Variants in MYO7A observed in about 807,000 individuals in gnomAD.
The protein encoded by MYO7A is myosin VIIA.
A neutral mutation model predicts 263.8 loss-of-function variants in MYO7A; 210 were observed. The observed-to-expected ratio is 0.80, with a 90% CI of 0.71 to 0.89. The LOEUF is 0.89. MYO7A is among the 40% of genes least tolerant of loss of function. The pLI, the probability that MYO7A is intolerant of heterozygous loss-of-function variation, is 0.00. For synonymous variants in MYO7A, 1,239 were observed against 1,197.3 expected (o/e 1.03, Z -0.72); for missense variants, 2,820 against 2,968.3 (o/e 0.95, Z 1.16).
intron 42 of MYO7A, among the ~76,000 whole-genome samples, chr11:77,207,824 G>T (rs1415112918): frequency 6.6e-6 from 1 of 152,216 alleles, no homozygotes; most frequent in Non-Finnish European, 1.5e-5. Flanking sequence ...AGGTCACACA[G>T]CAGGGACTGA....
chr11:77,192,375 C>G (rs1012276713), intron 31 of MYO7A, 97 bp downstream of exon 31: 2 of 1,291,438 alleles, frequency 1.5e-6, no homozygotes. Context: ...ATCATTAGCT[C>G]AGGCTGGGGT....
intron 25 of MYO7A, 105 bp from the exon 26 acceptor site, chr11:77,182,963 A>G: frequency 3.0e-6 from 3 of 991,354 alleles, no homozygotes; most frequent in Non-Finnish European, 4.7e-6. Context: ...ACACCCTGTA[A>G]GCTTCACGTG....
chr11:77,154,491 G>T (rs10899354), intron 4 of MYO7A, among the ~76,000 whole-genome samples: 82,419 of 152,016 alleles, frequency 0.54, 24,649 homozygotes, highest in African/African-American at 0.8. Flanking sequence ...AGCTTCCTTT[G>T]CTTCTGCTCT....
In MYO7A at chr11:77,201,524, C is replaced by T. The variant is rs1957062447; in HGVS notation, c.4929C>T (p.Val1643=). The T allele has an allele frequency of 6.2e-7, 1 of 1,613,840 alleles. No homozygotes were observed. Among genetic ancestry groups the T allele is most frequent in the African/African-American group, 1.3e-5 (1 of 74,940 alleles). Residue 1643 remains valine, a synonymous_variant, in exon 36 of 49, where the codon GTC becomes GTT. Coordinates refer to ENST00000409709, the MANE Select transcript of MYO7A (RefSeq NM_000260.4). ...IILDHDTGEQ[V]MNSGWANGIN... ...TGGACCATGACACGGGCGAGCAGGT[C>T]ATGAACTCGGGCTGGGCCAACGGCA...
intron 17 of MYO7A, 64 bp downstream of exon 17, chr11:77,174,978 C>T: frequency 6.3e-7 from 1 of 1,583,312 alleles, no homozygotes; most frequent in Non-Finnish European, 8.6e-7. Context: ...GCAAGGGTCC[C>T]AATTTTCTTA....
At position 77,211,260 on chromosome 11, in the gene MYO7A, C is replaced by T; in HGVS notation, c.6160C>T (p.Pro2054Ser). The T allele has an allele frequency of 6.3e-7, 1 of 1,580,364 alleles. No homozygotes were observed. The highest frequency in any genetic ancestry group is 8.6e-7 in the Non-Finnish European group (1 of 1,163,252). The change falls in exon 45 of 49, where the codon CCC becomes TCC. Residue 2054 changes from proline (P) to serine (S), a missense_variant. Transcript: ENST00000409709. ...VKFEEDKSYF[P>S]SIPKLLRELV... ...GTTCGAGGAGGACAAGTCCTACTTCCCCAGCATCCCCAAGCTGCTGCGGGA... is the reference window on the plus strand; with the variant it reads ...GTTCGAGGAGGACAAGTCCTACTTCTCCAGCATCCCCAAGCTGCTGCGGGA...
chr11:77,190,262 C>A, intron 29 of MYO7A, 123 bp downstream of exon 29: 2 of 1,022,492 alleles, frequency 2.0e-6, no homozygotes, highest in Admixed American at 3.2e-5. Context: ...TTCTGTGGTT[C>A]CTCAGACACC....
chr11:77,151,797 G>C (rs1387419571), intron 4 of MYO7A, among the ~76,000 whole-genome samples: 1 of 152,356 alleles, frequency 6.6e-6, no homozygotes, highest in African/African-American at 2.4e-5. Flanking sequence ...GAGGGCCAGG[G>C]CCTCATTGCC....
rs1555090294 is a variant in MYO7A, at chr11:77,189,386, C to A, written c.3546C>A (p.Asn1182Lys). Residue 1182 changes from asparagine (N) to lysine (K), a missense_variant, in exon 28 of 49, where the codon AAC (asparagine) becomes AAA (lysine). Physicochemically the swap from Asn to Lys is moderately conservative, Grantham distance 94. Transcript: ENST00000409709. ...AGATCAGCAAGCAGCTGACCCACAACCCCTCCAAGAGCAGCTATGCCCGGG... is the reference window on the plus strand; with the variant it reads ...AGATCAGCAAGCAGCTGACCCACAAACCCTCCAAGAGCAGCTATGCCCGGG... ...YCQISKQLTH[N>K]PSKSSYARGW... 9 of 1,613,844 alleles carry A rather than the reference C, an allele frequency of 5.6e-6. No homozygotes were observed. The highest frequency in any genetic ancestry group is 7.6e-6 in the Non-Finnish European group (9 of 1,179,886).
intron 10 of MYO7A, 115 bp downstream of exon 10, chr11:77,159,638 A>C (rs1310110878): frequency 6.6e-6 from 7 of 1,064,214 alleles, no homozygotes; most frequent in Non-Finnish European, 8.3e-6. Context: ...TGGTTTGGAG[A>C]GTTCTGTTCA....
At chr11:77,150,457 G>A (rs979508974) in intron 4 of MYO7A, among the ~76,000 whole-genome samples, 14 of 152,216 alleles carry the variant, frequency 9.2e-5, no homozygotes, top group Admixed American at 1.3e-4. Context: ...GCCAGCAGAG[G>A]ATAGCTTGGA....
In MYO7A at chr11:77,159,535, G is replaced by C; in HGVS notation, c.1080+12G>C. On this transcript the variant is annotated intron_variant, in intron 10 of 48. Transcript: ENST00000409709. The stretch of plus-strand genomic sequence containing the variant: ...CATCCCTGCTTGAGGTCAGTGCCTG[G>C]CCTCTCTCCCCTCCATGACTTCTGT... 3.1e-6 allele frequency: 5 copies of C among 1,611,188 alleles called. No individual in the cohort carries two copies. Among genetic ancestry groups the C allele is most frequent in the Non-Finnish European group, 4.2e-6 (5 of 1,178,166 alleles).
chr11:77,144,262 C>T (rs1951414021), intron 3 of MYO7A, among the ~76,000 whole-genome samples: 1 of 152,200 alleles, frequency 6.6e-6, no homozygotes, highest in African/African-American at 2.4e-5. Flanking sequence ...TAGGAACCTA[C>T]TATGAGGGTG....
At chr11:77,186,037 C>T (rs1201562844) in intron 27 of MYO7A, among the ~76,000 whole-genome samples, 1 of 151,950 alleles carries the variant, frequency 6.6e-6, no homozygotes, top group Non-Finnish European at 1.5e-5. Context: ...ATTCTCCTGC[C>T]TCAGCCTCCC....
At chr11:77,213,839 A>C (rs549891292) in intron 47 of MYO7A, 21 bp from the exon 48 acceptor site, 1 of 1,613,922 alleles carries the variant, frequency 6.2e-7, no homozygotes, top group East Asian at 2.2e-5. Flanking sequence ...GTGCCTCTCT[A>C]TGCCCTTTCT....
In MYO7A at chr11:77,181,793, T is replaced by G. The variant is rs797025248; in HGVS notation, c.2905-158T>G. Among the ~76,000 whole-genome samples, 3,920 of 142,668 alleles carry G rather than the reference T, an allele frequency of 0.027. 149 individuals are homozygous for G. The highest frequency in any genetic ancestry group is 0.078 in the African/African-American group (2,918 of 37,322). The allele number at this position is 142,668 out of a possible 152,430, so 93.6% of individuals were successfully genotyped here. A position where few individuals can be genotyped will look rare whatever the true frequency, so the allele number is the denominator to read the frequency against. On this transcript the variant is annotated intron_variant, in intron 23 of 48. Coordinates refer to ENST00000409709, the MANE Select transcript of MYO7A (RefSeq NM_000260.4). Reference sequence around the variant, plus strand: ...TTTTTTTTTTTGTTTTTTTTTTTTTTTTTTTTTTTGAGATGGGGTCGTACC... The same window carrying G: ...TTTTTTTTTTTGTTTTTTTTTTTTTGTTTTTTTTTGAGATGGGGTCGTACC...
At chr11:77,196,734 C>T (rs1009689322) in intron 32 of MYO7A, among the ~76,000 whole-genome samples, 8 of 151,750 alleles carry the variant, frequency 5.3e-5, no homozygotes, top group African/African-American at 1.9e-4. Context: ...CATGGGCTCT[C>T]ATGGGTGGAG....
rs543234546 is a variant in MYO7A, at chr11:77,184,608, C to T, written c.3396C>T (p.Asp1132=). The part of the protein sequence containing the change: ...LTEEVTKRLH[D]GESTVQGNSM... ...CCCAGGTGACCAAGAGGCTGCATGA[C>T]GGGGAGTCCACAGTGCAGGGCAACA... Residue 1132 remains aspartate, a synonymous_variant, in exon 27 of 49, where the codon GAC becomes GAT. Coordinates refer to ENST00000409709, the MANE Select transcript of MYO7A (RefSeq NM_000260.4). 24 of 1,568,796 alleles carry T rather than the reference C, an allele frequency of 1.5e-5. 1 individual carries two copies. The African/African-American group carries it at 1.6e-4, about 11-fold the overall frequency.
At chr11:77,208,911 C>A in intron 44 of MYO7A, 108 bp downstream of exon 44, 2 of 892,738 alleles carry the variant, frequency 2.2e-6, no homozygotes, top group Non-Finnish European at 3.5e-6. Flanking sequence ...CCCGTACCAG[C>A]CTGGCCTCAA....
Sources: allele counts gnomAD v4.1 joint callset (sites outside exome capture counted in the v4.1 genomes callset), GRCh38; gene constraint gnomAD v4.1.1; transcripts MANE v1.5; gene names NCBI Gene and HGNC (gene_info 2026-07-23, HGNC 2026-07-21).